Variants in PSMD13 observed in about 807,000 individuals in gnomAD.
PSMD13 encodes the protein proteasome 26S subunit, non-ATPase 13, also known as 26S proteasome non-ATPase regulatory subunit 13.
A neutral mutation model predicts 57.4 loss-of-function variants in PSMD13; 8 were observed. The observed-to-expected ratio is 0.14, with a 90% CI of 0.08 to 0.25. PSMD13 has a LOEUF of 0.25. PSMD13 is among the 10% of genes least tolerant of loss of function. The probability of loss-of-function intolerance (pLI) is 1.00; values close to 1 mark genes in which losing one functional copy is unlikely to be tolerated. For missense variants in PSMD13, 400 were observed against 461.5 expected, an observed-to-expected ratio of 0.87 and a Z score of 1.22; for synonymous variants, 193 against 168.2, an observed-to-expected ratio of 1.15 and a Z score of -1.14.
chr11:243,017 AT>A (rs1564821081), intron 2 of PSMD13: 9 of 298,954 alleles, frequency 3.0e-5, no homozygotes, highest in Non-Finnish European at 5.5e-5. Context: ...GATGGTTCCA[AT>A]CTCTTGACCT....
chr11:248,607 T>C, intron 7 of PSMD13, 169 bp from the exon 8 acceptor site: 1 of 650,570 alleles, frequency 1.5e-6, no homozygotes, highest in South Asian at 2.0e-5. Context: ...TGGTTCTTGG[T>C]ATAATCTAAG....
At chr11:240,297 G>A (rs944168010) in intron 2 of PSMD13, among the ~76,000 whole-genome samples, 1 of 151,898 alleles carries the variant, frequency 6.6e-6, no homozygotes, top group Non-Finnish European at 1.5e-5. Flanking sequence ...TCTTAGTAGA[G>A]ATGGGGTTTC....
At chr11:237,804 A>T (rs1393820686) in intron 1 of PSMD13, among the ~76,000 whole-genome samples, 2 of 152,252 alleles carry the variant, frequency 1.3e-5, no homozygotes, top group African/African-American at 4.8e-5. Flanking sequence ...AGAGCAATTA[A>T]ATTCTTGCTA....
chr11:247,212 G>C lies in PSMD13; in HGVS notation c.397-65G>C, dbSNP rs998158983. On this transcript the variant is annotated intron_variant, in intron 6 of 12. Transcript: ENST00000532097. ...ACCCTAGGCAACAGAGTGAGACCCT[G>C]TCTCTAAAAAAATAAAATAAACTTT... is the stretch of plus-strand genomic sequence containing the variant. The C allele has an allele frequency of 1.4e-5, 21 of 1,490,920 alleles. No homozygotes were observed. The African/African-American group carries it at 3.0e-4, about 21-fold the overall frequency. 92.4% of individuals were successfully genotyped at this position (1,490,920 alleles called of 1,614,324 possible).
Position 252,314 on chromosome 11 carries a change from C to A in PSMD13, c.1036-191C>A. On this transcript the variant is annotated intron_variant, in intron 12 of 12. Transcript: ENST00000532097. The surrounding 1 kb of genome is among the most constrained non-coding windows in gnomAD (Gnocchi z 4.1). ...CTGCTTTCTTTCATGCAAGTTTTTT[C>A]TAACGTTCCTGTGAAAAGAATTAAC... is the stretch of plus-strand genomic sequence containing the variant. The A allele has an allele frequency of 1.7e-6, 1 of 575,020 alleles. No individual in the cohort carries two copies. The highest frequency in any genetic ancestry group is 3.1e-6 in the Non-Finnish European group (1 of 321,096). The allele number at this position is 575,020 out of a possible 1,614,324, so 35.6% of individuals were successfully genotyped here.
At chr11:248,255 TC>T (rs1376566795) in intron 7 of PSMD13, 1 of 154,994 alleles carries the variant, frequency 6.5e-6, no homozygotes, top group East Asian at 1.9e-4. Flanking sequence ...AAATAAATTT[TC>T]AGCATATTTT....
intron 1 of PSMD13, 121 bp downstream of exon 1, chr11:237,265 G>A (rs1859298624): frequency 2.2e-6 from 2 of 904,744 alleles, no homozygotes; most frequent in Non-Finnish European, 1.6e-6. Context: ...GGGGGAAACG[G>A]GGACGTGTAG....
At chr11:242,898 C>T (rs961776445) in intron 2 of PSMD13, among the ~76,000 whole-genome samples, 1 of 152,064 alleles carries the variant, frequency 6.6e-6, no homozygotes, top group African/African-American at 2.4e-5. Flanking sequence ...CTGGTTCAAG[C>T]GATTCTTCTG....
intron 4 of PSMD13, 89 bp downstream of exon 4, chr11:244,305 T>C: frequency 6.3e-7 from 1 of 1,584,004 alleles, no homozygotes; most frequent in Non-Finnish European, 8.6e-7. Context: ...GTTTTCTGTA[T>C]CAGATATTAT....
intron 4 of PSMD13, 51 bp downstream of exon 4, chr11:244,267 T>C (rs777912603): frequency 6.3e-6 from 10 of 1,595,140 alleles, no homozygotes; most frequent in South Asian, 3.4e-5. Flanking sequence ...GTGGTTAAAA[T>C]TGAAATATAA....
chr11:239,629 G>C (rs370129763), intron 2 of PSMD13, among the ~76,000 whole-genome samples: 101 of 152,234 alleles, frequency 6.6e-4, no homozygotes, highest in African/African-American at 2.2e-3. Context: ...AGGGTAGGTG[G>C]ATTGGAGGGA....
intron 7 of PSMD13, chr11:248,462 T>C: frequency 2.8e-6 from 1 of 356,308 alleles, no homozygotes; most frequent in South Asian, 3.2e-5. Flanking sequence ...TTAGGTAACT[T>C]AAATTTATTC....
intron 8 of PSMD13, 32 bp from the exon 9 acceptor site, chr11:248,900 G>A (rs577191681): frequency 4.3e-6 from 7 of 1,614,154 alleles, no homozygotes; most frequent in Non-Finnish European, 5.9e-6. Flanking sequence ...AGAGACTAAA[G>A]TGTTACTAGC....
rs148030718 is a variant in PSMD13, at chr11:237,987, T to C, written c.95+843T>C. ...TGATGATGTTTAGCATTCAGCAGCC[T>C]TCTGCTATTAGCAGTTTTTGAGAGC... On this transcript the variant is annotated intron_variant, in intron 1 of 12. Coordinates refer to ENST00000532097, the MANE Select transcript of PSMD13 (RefSeq NM_002817.4). 1.9e-3 allele frequency among the ~76,000 whole-genome samples: 291 copies of C among 152,390 alleles called. 4 individuals are homozygous for C. Among genetic ancestry groups the C allele is most frequent in the African/African-American group, 6.7e-3 (279 of 41,600 alleles).
In PSMD13 at chr11:239,290, C is replaced by CT. The variant is rs551160287; in HGVS notation, c.174+217dup. On this transcript the variant is annotated intron_variant, in intron 2 of 12. Coordinates refer to ENST00000532097, the MANE Select transcript of PSMD13 (RefSeq NM_002817.4). ...TTTTGATGTAGAAGCAAACATAAGA[C>CT]TTTAAGTAACTTACCATAGATCACT... 1.5e-3 allele frequency among the ~76,000 whole-genome samples: 223 copies of CT among 152,276 alleles called. 1 individual carries two copies. Among genetic ancestry groups the CT allele is most frequent in the Admixed American group, 0.01 (154 of 15,300 alleles).
chr11:249,561 G>T (rs888512883), intron 9 of PSMD13, among the ~76,000 whole-genome samples: 1 of 120,196 alleles, frequency 8.3e-6, no homozygotes, highest in Non-Finnish European at 1.9e-5. Context: ...GGAGAGCGGC[G>T]GGTGCGGGGA....
Position 244,484 on chromosome 11 carries a change from TG to T in PSMD13, c.309+18del. On this transcript the variant is annotated intron_variant, in intron 5 of 12. Transcript: ENST00000532097. ...CTCGTGAGAAGGTAAATGTGGCATG[TG>T]GGCAATACCTTTTAGTACCTTTTAG... 1 of 1,515,708 alleles carries T rather than the reference TG, an allele frequency of 6.6e-7. No homozygotes were observed. Among genetic ancestry groups the T allele is most frequent in the Non-Finnish European group, 8.8e-7 (1 of 1,137,418 alleles). 93.9% of individuals were successfully genotyped at this position (1,515,708 alleles called of 1,614,324 possible).
chr11:252,535 T>C lies in PSMD13; in HGVS notation c.1066T>C (p.Trp356Arg). 1 of 1,614,134 alleles carries C rather than the reference T, an allele frequency of 6.2e-7. No individual in the cohort carries two copies. Among genetic ancestry groups the C allele is most frequent in the Non-Finnish European group, 8.5e-7 (1 of 1,179,962 alleles). The change falls in exon 13 of 13, where the codon TGG becomes CGG. Residue 356 changes from tryptophan (W) to arginine (R), a missense_variant. By Grantham distance (101) the Trp-to-Arg change is moderately radical. Coordinates refer to ENST00000532097, the MANE Select transcript of PSMD13 (RefSeq NM_002817.4). This position sits in a 1 kb window ranked among gnomAD's most constrained non-coding sequence, Gnocchi z 4.1. The part of the protein sequence containing the change: ...IKGMKDRLEF[W>R]CTDVKSMEML... ...GGGAATGAAGGACCGCCTGGAGTTC[T>C]GGTGCACGGATGTGAAGAGCATGGA...
intron 2 of PSMD13, chr11:243,295 A>G (rs1859556637): frequency 2.4e-6 from 1 of 410,582 alleles, no homozygotes; most frequent in Admixed American, 3.0e-5. Flanking sequence ...TTCTGCTTTT[A>G]TATTGAACAT....
Sources: gnomAD v4.1 joint callset for allele counts (sites outside exome capture counted in the v4.1 genomes callset) on GRCh38, gnomAD v4.1.1 for gene constraint, Gnocchi (gnomAD v3.1) non-coding constraint, MANE v1.5 for transcripts, NCBI Gene and HGNC (gene_info 2026-07-23, HGNC 2026-07-21) for gene names.